Variants in PTPRD observed in about 807,000 individuals in gnomAD.
The protein encoded by PTPRD is receptor-type tyrosine-protein phosphatase delta.
PTPRD carries 34 observed loss-of-function variants against 214.5 expected under a neutral mutation model. The ratio of observed to expected loss-of-function variants is 0.16; its 90% CI spans 0.12 to 0.21. The LOEUF (loss-of-function observed/expected upper bound fraction) is 0.21. Ranked by LOEUF, PTPRD falls within the 10% of genes least tolerant of loss-of-function variation. The pLI is 1.00. For missense variants in PTPRD, 2,545 were observed against 2,398.7 expected (o/e 1.06, Z -1.27); for synonymous variants, 1,128 against 845.7 (o/e 1.33, Z -5.79).
At chr9:8,717,368 A>T (rs1321995923) in intron 12 of PTPRD, among the ~76,000 whole-genome samples, 1 of 152,316 alleles carries the variant, frequency 6.6e-6, no homozygotes, top group Non-Finnish European at 1.5e-5. Flanking sequence ...AAGTCAACTC[A>T]TCATGACATC....
chr9:8,411,329 G>A (rs1292167042), intron 35 of PTPRD, among the ~76,000 whole-genome samples: 1 of 137,976 alleles, frequency 7.2e-6, no homozygotes, highest in East Asian at 2.0e-4. Flanking sequence ...TTTTTTTGTG[G>A]CAGGGTCATG....
chr9:10,072,668 G>C (rs774964879), intron 3 of PTPRD, among the ~76,000 whole-genome samples: 3 of 152,012 alleles, frequency 2.0e-5, no homozygotes, highest in Non-Finnish European at 4.4e-5. Context: ...CGTGCTTATT[G>C]TTGCATTTTA....
chr9:8,542,620 T>C (rs546550983), intron 14 of PTPRD, among the ~76,000 whole-genome samples: 1 of 152,360 alleles, frequency 6.6e-6, no homozygotes, highest in South Asian at 2.1e-4. Context: ...TGAAGGACTC[T>C]CACCAATAGA....
At chr9:9,687,531 T>C (rs2097186933) in intron 7 of PTPRD, among the ~76,000 whole-genome samples, 1 of 134,988 alleles carries the variant, frequency 7.4e-6, no homozygotes, top group African/African-American at 2.7e-5. Context: ...CATAGGGCAA[T>C]TTCATATTGT....
intron 10 of PTPRD, among the ~76,000 whole-genome samples, chr9:9,178,875 A>C (rs1230732435): frequency 6.6e-6 from 1 of 152,122 alleles, no homozygotes; most frequent in Non-Finnish European, 1.5e-5. Flanking sequence ...TACATACACA[A>C]TTAACCTTCC....
chr9:8,377,879 T>C (rs769172514), intron 37 of PTPRD, among the ~76,000 whole-genome samples: 1 of 152,108 alleles, frequency 6.6e-6, no homozygotes, highest in East Asian at 1.9e-4. Context: ...ATACTGTAAT[T>C]TTCTCTTTCA....
chr9:10,096,191 G>A (rs1255237641), intron 3 of PTPRD, among the ~76,000 whole-genome samples: 1 of 151,588 alleles, frequency 6.6e-6, no homozygotes, highest in Non-Finnish European at 1.5e-5. Context: ...CTAGAATTGG[G>A]CACTGGTCTG....
At chr9:8,909,436 G>T (rs10977353) in intron 11 of PTPRD, among the ~76,000 whole-genome samples, 1 of 151,998 alleles carries the variant, frequency 6.6e-6, no homozygotes, top group Non-Finnish European at 1.5e-5. Context: ...TAACATACAA[G>T]GTTGGTTTAA....
chr9:9,167,136 G>C (rs1255693125), intron 10 of PTPRD, among the ~76,000 whole-genome samples: 4 of 152,042 alleles, frequency 2.6e-5, no homozygotes, highest in African/African-American at 7.2e-5. Flanking sequence ...GCCCAAATCA[G>C]AACTATGTCT....
At position 8,719,978 on chromosome 9, in the gene PTPRD, G is replaced by C. The variant is rs376062179; in HGVS notation, c.64+13802C>G. On this transcript the variant is annotated intron_variant, in intron 12 of 45. Coordinates refer to ENST00000381196, the MANE Select transcript of PTPRD (RefSeq NM_002839.4). The stretch of plus-strand genomic sequence containing the variant: ...CTCAAGCTGGTAGATGCTTCATTTT[G>C]ATAACAGTAATCACCATGTGTTTCA... 1.8e-4 allele frequency among the ~76,000 whole-genome samples: 28 copies of C among 152,126 alleles called. 1 individual carries two copies. Among genetic ancestry groups the C allele is most frequent in the African/African-American group, 6.8e-4 (28 of 41,410 alleles).
chr9:8,371,287 TCTTA>T (rs1321265110), intron 39 of PTPRD, among the ~76,000 whole-genome samples: 3 of 152,090 alleles, frequency 2.0e-5, no homozygotes, highest in African/African-American at 7.2e-5. Context: ...GCCTTGAAAC[TCTTA>T]CTATTTTTGT....
At chr9:9,584,939 T>C (rs2091662463) in intron 7 of PTPRD, among the ~76,000 whole-genome samples, 2 of 152,036 alleles carry the variant, frequency 1.3e-5, no homozygotes, top group South Asian at 4.1e-4. Context: ...TGATGCCCTT[T>C]ATTGCACAAC....
chr9:8,632,459 G>C (rs1040013307), intron 14 of PTPRD, among the ~76,000 whole-genome samples: 1 of 151,656 alleles, frequency 6.6e-6, no homozygotes, highest in African/African-American at 2.4e-5. Context: ...CTAAATTTTG[G>C]AACAGAGGAA....
At chr9:8,755,317 G>C (rs901789756) in intron 11 of PTPRD, among the ~76,000 whole-genome samples, 2 of 151,730 alleles carry the variant, frequency 1.3e-5, no homozygotes, top group African/African-American at 4.8e-5. Context: ...ATCACATGAG[G>C]TCAGGAGTTC....
chr9:9,027,599 T>A (rs1268187161), intron 10 of PTPRD, among the ~76,000 whole-genome samples: 1 of 151,892 alleles, frequency 6.6e-6, no homozygotes, highest in African/African-American at 2.4e-5. Context: ...CATATTTGTA[T>A]CATAAAAATC....
At chr9:9,851,968 T>G (rs924893937) in intron 5 of PTPRD, among the ~76,000 whole-genome samples, 4 of 152,198 alleles carry the variant, frequency 2.6e-5, no homozygotes, top group African/African-American at 9.6e-5. Flanking sequence ...ACTTGCAAAT[T>G]AAGTTCTGTG....
At chr9:10,293,586 C>T (rs1016213984) in intron 3 of PTPRD, among the ~76,000 whole-genome samples, 1 of 151,908 alleles carries the variant, frequency 6.6e-6, no homozygotes, top group Non-Finnish European at 1.5e-5. Flanking sequence ...TTTATACAGT[C>T]TAACAGTAAG....
At chr9:10,015,303 T>G (rs2096681731) in intron 4 of PTPRD, among the ~76,000 whole-genome samples, 1 of 152,160 alleles carries the variant, frequency 6.6e-6, no homozygotes, top group African/African-American at 2.4e-5. Context: ...CTGACTTAGA[T>G]TTTATAATTA....
At chr9:9,091,684 A>G (rs2099776200) in intron 10 of PTPRD, among the ~76,000 whole-genome samples, 1 of 152,230 alleles carries the variant, frequency 6.6e-6, no homozygotes, top group South Asian at 2.1e-4. Context: ...GCCTGTAACA[A>G]GTACTATATT....
Sources: allele counts gnomAD v4.1 joint callset (sites outside exome capture counted in the v4.1 genomes callset), GRCh38; gene constraint gnomAD v4.1.1; transcripts MANE v1.5; gene names NCBI Gene and HGNC (gene_info 2026-07-23, HGNC 2026-07-21).